The following ZPBP variants were observed in gnomAD, a reference collection of about 807,000 sequenced individuals.
The protein encoded by ZPBP is zona pellucida binding protein.
ZPBP carries 26 observed loss-of-function variants against 44.8 expected under a neutral mutation model. The observed-to-expected ratio is 0.58, with a 90% CI of 0.43 to 0.81. ZPBP has a LOEUF of 0.81. Ranked by LOEUF, ZPBP falls within the 30% of genes least tolerant of loss-of-function variation. The pLI, the probability that ZPBP is intolerant of heterozygous loss-of-function variation, is 0.00. For missense variants in ZPBP, 409 were observed against 434.0 expected (o/e 0.94, Z 0.51); for synonymous variants, 174 against 153.2 (o/e 1.14, Z -1.00).
intron 2 of ZPBP, among the ~76,000 whole-genome samples, chr7:49,891,750 A>G (rs926368549): frequency 2.0e-5 from 3 of 151,972 alleles, no homozygotes; most frequent in South Asian, 4.1e-4. Flanking sequence ...CTGTGACCCA[A>G]CTCTTCCATT....
At chr7:49,964,938 A>C (rs1420730547) in intron 7 of ZPBP, among the ~76,000 whole-genome samples, 1 of 152,104 alleles carries the variant, frequency 6.6e-6, no homozygotes, top group Non-Finnish European at 1.5e-5. Context: ...CTTGTCTGCC[A>C]TACTATAAGA....
chr7:49,936,563 A>T (rs192811286), downstream of ZPBP, among the ~76,000 whole-genome samples: 130 of 152,344 alleles, frequency 8.5e-4, no homozygotes, highest in Middle Eastern at 3.4e-3. Flanking sequence ...ATGTCTTAAG[A>T]GAGGAAATAT....
At chr7:49,883,066 CAG>C in intron 2 of ZPBP, among the ~76,000 whole-genome samples, 1 of 152,086 alleles carries the variant, frequency 6.6e-6, no homozygotes, top group Admixed American at 6.6e-5. Flanking sequence ...TCCTTTGAGA[CAG>C]AGAAGCCAAG....
At chr7:49,887,672 G>A (rs940404029) in intron 2 of ZPBP, among the ~76,000 whole-genome samples, 4 of 148,122 alleles carry the variant, frequency 2.7e-5, no homozygotes, top group South Asian at 2.1e-4. Context: ...CTAAAATTTC[G>A]GTGAATTATC....
intron 1 of ZPBP, among the ~76,000 whole-genome samples, chr7:50,091,238 C>T (rs1205629216): frequency 1.3e-5 from 2 of 151,930 alleles, no homozygotes; most frequent in Non-Finnish European, 1.5e-5. Context: ...TAGTCCTTTG[C>T]CAGATGTATA....
chr7:50,077,897 AC>A (rs950684252), intron 3 of ZPBP, among the ~76,000 whole-genome samples: 21 of 151,814 alleles, frequency 1.4e-4, no homozygotes, highest in Admixed American at 1.4e-3. Context: ...CTTGGTACAT[AC>A]CCACAAGAAA....
At chr7:49,993,718 GGTT>G (rs1232168655) in intron 6 of ZPBP, among the ~76,000 whole-genome samples, 1 of 152,164 alleles carries the variant, frequency 6.6e-6, no homozygotes, top group African/African-American at 2.4e-5. Context: ...GTTCAGTGTG[GGTT>G]TCTGTTGTTG....
intron 6 of ZPBP, among the ~76,000 whole-genome samples, chr7:49,995,820 T>A (rs1797805849): frequency 6.6e-6 from 1 of 152,130 alleles, no homozygotes; most frequent in African/African-American, 2.4e-5. Flanking sequence ...ACGAAAAAGT[T>A]GTTCTCAAGG....
At position 50,007,253 on chromosome 7, in the gene ZPBP, G is replaced by A. The variant is rs528186673; in HGVS notation, c.783+10987C>T. Among the ~76,000 whole-genome samples the A allele has an allele frequency of 2.0e-5, 3 of 151,946 alleles. No homozygotes were observed. In the East Asian group the frequency reaches 5.8e-4, roughly 29 times the overall value. The stretch of plus-strand genomic sequence containing the variant: ...ATTTTTATAGCATTCCAAATGGACT[G>A]AAAGAAAAAGTATGTCAACAAATTG... On this transcript the variant is annotated intron_variant, in intron 6 of 7. Transcript: ENST00000046087.
chr7:49,893,668 C>G (rs1472947785), intron 2 of ZPBP, among the ~76,000 whole-genome samples: 1 of 149,694 alleles, frequency 6.7e-6, no homozygotes, highest in African/African-American at 2.5e-5. Context: ...GAGACCAGTA[C>G]CCTGTGAAAC....
At chr7:50,070,860 T>C (rs528822748) in intron 3 of ZPBP, among the ~76,000 whole-genome samples, 1 of 152,292 alleles carries the variant, frequency 6.6e-6, no homozygotes, top group South Asian at 2.1e-4. Flanking sequence ...GACTTGAGTT[T>C]ATCTGTCTAG....
chr7:49,921,529 G>A (rs1166764202), intron 1 of ZPBP: 2 of 152,136 alleles, frequency 1.3e-5, no homozygotes, highest in African/African-American at 4.8e-5. Flanking sequence ...CTACCTCTCT[G>A]TAACTCAGAT....
chr7:49,886,635 T>C (rs1162390781), intron 2 of ZPBP, among the ~76,000 whole-genome samples: 1 of 152,220 alleles, frequency 6.6e-6, no homozygotes, highest in Non-Finnish European at 1.5e-5. Context: ...CAGGGGTACA[T>C]GGGCAGGTTT....
At chr7:49,888,638 C>T (rs889058155) in intron 2 of ZPBP, among the ~76,000 whole-genome samples, 8 of 152,250 alleles carry the variant, frequency 5.3e-5, no homozygotes, top group South Asian at 2.1e-4. Flanking sequence ...TTGCCAGGCG[C>T]GGTGGCTCAC....
At chr7:49,862,896 A>G (rs924682675) in intron 2 of ZPBP, among the ~76,000 whole-genome samples, 2 of 152,016 alleles carry the variant, frequency 1.3e-5, no homozygotes, top group African/African-American at 4.8e-5. Flanking sequence ...GATGTTTTTT[A>G]TCTGTCTCAT....
At chr7:50,015,856 A>C (rs1354717303) in intron 6 of ZPBP, among the ~76,000 whole-genome samples, 1 of 152,188 alleles carries the variant, frequency 6.6e-6, no homozygotes, top group Non-Finnish European at 1.5e-5. Context: ...TCAAAACCGC[A>C]ATGAGATAGC....
downstream of ZPBP, among the ~76,000 whole-genome samples, chr7:49,849,357 T>C (rs550178637): frequency 6.6e-6 from 1 of 152,328 alleles, no homozygotes; most frequent in Non-Finnish European, 1.5e-5. Context: ...GGAAATTAGA[T>C]GGCTAAGAAG....
intron 7 of ZPBP, among the ~76,000 whole-genome samples, chr7:49,946,016 A>G (rs1197263462): frequency 6.6e-6 from 1 of 152,112 alleles, no homozygotes; most frequent in Non-Finnish European, 1.5e-5. Context: ...CTTGCAAATA[A>G]TATCACGTAA....
At chr7:50,030,225 G>A (rs1054731510) in intron 5 of ZPBP, among the ~76,000 whole-genome samples, 41 of 152,138 alleles carry the variant, frequency 2.7e-4, no homozygotes, top group African/African-American at 9.6e-4. Context: ...CTGGTGAAGA[G>A]GAGAGAGAGG....
Sources: allele counts gnomAD v4.1 joint callset (sites outside exome capture counted in the v4.1 genomes callset), GRCh38; gene constraint gnomAD v4.1.1; transcripts MANE v1.5; gene names NCBI Gene and HGNC (gene_info 2026-07-23, HGNC 2026-07-21).